Variants in TMEM135 observed in about 807,000 individuals in gnomAD.
TMEM135 encodes the protein peroxisomal membrane protein 52.
TMEM135 carries 30 observed loss-of-function variants against 60.3 expected under a neutral mutation model. That is an observed-to-expected ratio of 0.50 (90% CI 0.37 to 0.68). The LOEUF (loss-of-function observed/expected upper bound fraction) is 0.68. TMEM135 is among the 30% of genes least tolerant of loss of function. The pLI, the probability that TMEM135 is intolerant of heterozygous loss-of-function variation, is 0.00. For missense variants in TMEM135, 468 were observed against 548.8 expected, an observed-to-expected ratio of 0.85 and a Z score of 1.47; for synonymous variants, 190 against 186.7, an observed-to-expected ratio of 1.02 and a Z score of -0.14.
At chr11:87,078,017 G>A (rs935377252) in intron 3 of TMEM135, among the ~76,000 whole-genome samples, 1 of 152,090 alleles carries the variant, frequency 6.6e-6, no homozygotes. Context: ...CCACTTCTTG[G>A]TTATGAATGT....
intron 5 of TMEM135, among the ~76,000 whole-genome samples, chr11:87,210,189 G>A (rs552156717): frequency 6.6e-6 from 1 of 152,100 alleles, no homozygotes; most frequent in Admixed American, 6.5e-5. Context: ...ATGAAATTGA[G>A]TTGTGAAAAT....
intron 5 of TMEM135, among the ~76,000 whole-genome samples, chr11:87,160,283 G>A (rs191281940): frequency 7.2e-5 from 11 of 152,244 alleles, no homozygotes; most frequent in African/African-American, 1.4e-4. Context: ...AAGATTTTCC[G>A]CTCTCTGAAA....
chr11:87,103,963 T>C (rs1322198605), intron 4 of TMEM135, among the ~76,000 whole-genome samples: 1 of 152,244 alleles, frequency 6.6e-6, no homozygotes, highest in Non-Finnish European at 1.5e-5. Context: ...CTATTTTTGC[T>C]TTTATTGCCT....
Position 87,325,489 on chromosome 11 carries a change from G to GCT in TMEM135, c.*4168_*4169dup, listed in dbSNP as rs746245515. The GCT allele has an allele frequency of 1.3e-5, 6 of 453,146 alleles. No homozygotes were observed. Among genetic ancestry groups the GCT allele is most frequent in the South Asian group, 7.8e-5 (5 of 64,406 alleles). The allele number at this position is 453,146 out of a possible 1,614,324, so 28.1% of individuals were successfully genotyped here. A position where few individuals can be genotyped will look rare whatever the true frequency, so the allele number is the denominator to read the frequency against. On this transcript the variant is annotated 3_prime_UTR_variant, in exon 15 of 15. Coordinates refer to ENST00000305494, the MANE Select transcript of TMEM135 (RefSeq NM_022918.4). ...ATTATTCTGTTGCTGTTTTATGTGG[G>GCT]CTCTCTCTCTCTCCCTCTCTCTCTC...
At chr11:87,163,305 G>C (rs1938942977) in intron 5 of TMEM135, among the ~76,000 whole-genome samples, 1 of 142,980 alleles carries the variant, frequency 7.0e-6, no homozygotes, top group Admixed American at 7.2e-5. Context: ...TTTTGTTCTT[G>C]CGATAGTTTA....
chr11:87,102,393 A>G (rs900258942), intron 4 of TMEM135, among the ~76,000 whole-genome samples: 3 of 152,208 alleles, frequency 2.0e-5, no homozygotes, highest in Non-Finnish European at 2.9e-5. Flanking sequence ...GACGAGATGC[A>G]TATGGCAAGA....
intron 5 of TMEM135, among the ~76,000 whole-genome samples, chr11:87,233,181 G>A (rs539317884): frequency 6.1e-4 from 93 of 151,704 alleles, no homozygotes; most frequent in African/African-American, 2.1e-3. Flanking sequence ...CAAAAACTCA[G>A]TTAATCTAAA....
At chr11:87,195,334 CT>C (rs1233811227) in intron 5 of TMEM135, among the ~76,000 whole-genome samples, 1 of 85,496 alleles carries the variant, frequency 1.2e-5, no homozygotes, top group Non-Finnish European at 2.5e-5. Flanking sequence ...TCCTTCCTTC[CT>C]TCCTTCCTTC....
chr11:87,098,385 TG>T (rs1857378674), intron 4 of TMEM135, among the ~76,000 whole-genome samples: 1 of 129,584 alleles, frequency 7.7e-6, no homozygotes, highest in South Asian at 2.5e-4. Flanking sequence ...AGTAAAACCT[TG>T]CTTTATTTGA....
At chr11:87,116,081 G>A (rs2512497) in intron 4 of TMEM135, among the ~76,000 whole-genome samples, 114,720 of 151,960 alleles carry the variant, frequency 0.75, 44,078 homozygotes, top group East Asian at 0.91. Flanking sequence ...AAGAAAATCA[G>A]TTAACATTCA....
chr11:87,146,404 A>C (rs1938417587), intron 4 of TMEM135, among the ~76,000 whole-genome samples: 1 of 152,292 alleles, frequency 6.6e-6, no homozygotes, highest in East Asian at 1.9e-4. Context: ...CCTCTGGAGT[A>C]CTTGGGAGTA....
rs533966229 is a variant in TMEM135, at chr11:87,232,017, TCTCA to T, written c.463-4614_463-4611del. ...CCCAGGCTGGAGTGCAGTGGTGCAA[TCTCA>T]CTCACTGCAACCTCTGTTTCCTGGG... On this transcript the variant is annotated intron_variant, in intron 5 of 14. Coordinates refer to ENST00000305494, the MANE Select transcript of TMEM135 (RefSeq NM_022918.4). Among the ~76,000 whole-genome samples, 223 of 151,454 alleles carry T rather than the reference TCTCA, an allele frequency of 1.5e-3. No individual in the cohort carries two copies. In the Middle Eastern group the frequency reaches 0.024, roughly 16 times the overall value.
intron 5 of TMEM135, among the ~76,000 whole-genome samples, chr11:87,213,681 T>G (rs899761851): frequency 6.6e-6 from 1 of 152,220 alleles, no homozygotes; most frequent in African/African-American, 2.4e-5. Context: ...TCCAAATTAG[T>G]AGGTAGTTTC....
chr11:87,284,310 T>G (rs1464857367), intron 6 of TMEM135, among the ~76,000 whole-genome samples: 7 of 152,232 alleles, frequency 4.6e-5, no homozygotes, highest in Non-Finnish European at 8.8e-5. Flanking sequence ...GATTAACATT[T>G]CTTTTAGAAA....
chr11:87,066,523 C>G lies in TMEM135; in HGVS notation c.142-1171C>G, dbSNP rs117515841. Reference sequence around the variant, plus strand: ...TAAATACTTAGATTTCATGTCTATCCATATAATTGCTAAATTATTTCAGGG... The same window carrying G: ...TAAATACTTAGATTTCATGTCTATCGATATAATTGCTAAATTATTTCAGGG... On this transcript the variant is annotated intron_variant, in intron 1 of 14. Coordinates refer to ENST00000305494, the MANE Select transcript of TMEM135 (RefSeq NM_022918.4). 8.6e-3 allele frequency among the ~76,000 whole-genome samples: 1,293 copies of G among 149,876 alleles called. 16 individuals carry two copies. Among genetic ancestry groups the G allele is most frequent in the South Asian group, 0.011 (53 of 4,740 alleles).
intron 5 of TMEM135, among the ~76,000 whole-genome samples, chr11:87,201,442 G>A (rs1240065386): frequency 6.6e-6 from 1 of 152,112 alleles, no homozygotes; most frequent in African/African-American, 2.4e-5. Context: ...AGGTCTCGTA[G>A]ATGCAGTTTA....
intron 6 of TMEM135, chr11:87,259,268 A>G: frequency 2.5e-6 from 1 of 404,576 alleles, no homozygotes; most frequent in South Asian, 2.2e-5. Flanking sequence ...CCATGGCTGT[A>G]GGGGACACCA....
At chr11:87,179,450 A>T (rs1204236669) in intron 5 of TMEM135, among the ~76,000 whole-genome samples, 1 of 151,840 alleles carries the variant, frequency 6.6e-6, no homozygotes, top group Non-Finnish European at 1.5e-5. Context: ...AGAAATCTTT[A>T]CCTAGTTGGG....
chr11:87,212,899 A>G (rs1940408877), intron 5 of TMEM135, among the ~76,000 whole-genome samples: 1 of 151,886 alleles, frequency 6.6e-6, no homozygotes, highest in Non-Finnish European at 1.5e-5. Flanking sequence ...AAAAATTAAT[A>G]TACAAATTTA....
Sources: allele counts gnomAD v4.1 joint callset (sites outside exome capture counted in the v4.1 genomes callset), GRCh38; gene constraint gnomAD v4.1.1; transcripts MANE v1.5; gene names NCBI Gene and HGNC (gene_info 2026-07-23, HGNC 2026-07-21).